HTR4: variants seen among roughly 807,000 people sequenced by gnomAD.
HTR4 encodes 5-hydroxytryptamine receptor 4.
A neutral mutation model predicts 36.8 loss-of-function variants in HTR4; 16 were observed. That is an observed-to-expected ratio of 0.43 (90% CI 0.29 to 0.66). The LOEUF (loss-of-function observed/expected upper bound fraction) is 0.66, where lower values mean the gene tolerates loss of function less well. Ranked by LOEUF, HTR4 falls within the 30% of genes least tolerant of loss-of-function variation. HTR4 has a pLI of 0.13. For synonymous variants in HTR4, 189 were observed against 185.1 expected (o/e 1.02, Z -0.17); for missense variants, 438 against 490.9 (o/e 0.89, Z 1.02).
intron 2 of HTR4, among the ~76,000 whole-genome samples, chr5:148,570,841 TTTTTGTTTTTG>T (rs942938771): frequency 9.9e-5 from 15 of 152,014 alleles, no homozygotes; most frequent in Non-Finnish European, 4.4e-5. Flanking sequence ...TGGGTTTTTG[TTTTTGTTTTTG>T]TTTTATTTTG....
At chr5:148,469,914 A>G (rs554821968) in intron 5 of HTR4, among the ~76,000 whole-genome samples, 11 of 152,358 alleles carry the variant, frequency 7.2e-5, no homozygotes, top group African/African-American at 2.4e-4. Context: ...CTGGCTCAGT[A>G]TCTAACTCTT....
rs969776081 is a variant in HTR4, at chr5:148,550,076, ACT to A, written c.152+59_152+60del. On this transcript the variant is annotated intron_variant, in intron 3 of 6. Coordinates refer to ENST00000377888, the MANE Select transcript of HTR4 (RefSeq NM_000870.7). ...ATTCTAATAGAAATGTTCACACCCAACTCTCTAGGGACAGCTCAGAACTCCCA... is the reference window on the plus strand; with the variant it reads ...ATTCTAATAGAAATGTTCACACCCAACTCTAGGGACAGCTCAGAACTCCCA... 1.5e-4 allele frequency: 230 copies of A among 1,558,838 alleles called. 2 individuals carry two copies. The highest frequency in any genetic ancestry group is 2.7e-4 in the Admixed American group (15 of 55,990).
intron 4 of HTR4, among the ~76,000 whole-genome samples, chr5:148,529,817 G>T (rs1758465256): frequency 6.6e-6 from 1 of 152,210 alleles, no homozygotes; most frequent in Non-Finnish European, 1.5e-5. Flanking sequence ...TGCTGATAAT[G>T]ATATACACAG....
intron 2 of HTR4, among the ~76,000 whole-genome samples, chr5:148,630,724 A>G (rs953997303): frequency 1.3e-5 from 2 of 152,152 alleles, no homozygotes; most frequent in Non-Finnish European, 2.9e-5. Context: ...AGACACATTT[A>G]TCATTTACTC....
intron 4 of HTR4, among the ~76,000 whole-genome samples, chr5:148,535,584 C>A (rs561267207): frequency 1.3e-5 from 2 of 152,248 alleles, no homozygotes; most frequent in Non-Finnish European, 1.5e-5. Flanking sequence ...AAGAATTTCT[C>A]AATGCATTCA....
At chr5:148,602,660 T>C (rs1254514926) in intron 2 of HTR4, among the ~76,000 whole-genome samples, 1 of 152,090 alleles carries the variant, frequency 6.6e-6, no homozygotes, top group African/African-American at 2.4e-5. Context: ...CAGATGTTAA[T>C]TAAATTAAAA....
intron 2 of HTR4, among the ~76,000 whole-genome samples, chr5:148,573,953 T>C (rs1760781949): frequency 6.6e-6 from 1 of 152,056 alleles, no homozygotes. Flanking sequence ...CTTTGCTAAG[T>C]GTACCAGATA....
chr5:148,469,770 A>C (rs1755518809), intron 5 of HTR4, among the ~76,000 whole-genome samples: 1 of 152,184 alleles, frequency 6.6e-6, no homozygotes, highest in Non-Finnish European at 1.5e-5. Context: ...CTAGGATGCA[A>C]AGTATATCAT....
At chr5:148,559,820 C>T (rs1197592068) in intron 2 of HTR4, among the ~76,000 whole-genome samples, 2 of 152,140 alleles carry the variant, frequency 1.3e-5, no homozygotes, top group Admixed American at 1.3e-4. Flanking sequence ...GCACCTCCTG[C>T]TTCAATGTGC....
chr5:148,491,728 T>C (rs903846272), intron 6 of HTR4, among the ~76,000 whole-genome samples: 1 of 152,260 alleles, frequency 6.6e-6, no homozygotes, highest in Non-Finnish European at 1.5e-5. Flanking sequence ...ATCTAAGACA[T>C]GCAGCTAGAT....
chr5:148,489,493 C>A (rs1302535792), intron 6 of HTR4, among the ~76,000 whole-genome samples: 1 of 152,066 alleles, frequency 6.6e-6, no homozygotes, highest in Admixed American at 6.6e-5. Context: ...AGCTGAGCTT[C>A]CTAAAGAAGG....
At chr5:148,543,362 T>C (rs1759215537) in intron 4 of HTR4, among the ~76,000 whole-genome samples, 1 of 152,130 alleles carries the variant, frequency 6.6e-6, no homozygotes, top group Admixed American at 6.6e-5. Context: ...CTAAATGACA[T>C]TGTTCAAATC....
intron 2 of HTR4, among the ~76,000 whole-genome samples, chr5:148,589,733 A>G (rs1761486332): frequency 6.6e-6 from 1 of 152,088 alleles, no homozygotes; most frequent in Non-Finnish European, 1.5e-5. Context: ...ACAAAAATAT[A>G]TAATATATAT....
chr5:148,565,013 G>A (rs1760374906), intron 2 of HTR4, among the ~76,000 whole-genome samples: 2 of 151,366 alleles, frequency 1.3e-5, no homozygotes, highest in East Asian at 1.9e-4. Context: ...GGGAGGTTGA[G>A]GCAGGAGAAT....
chr5:148,508,700 A>G (rs1757343465), intron 6 of HTR4, among the ~76,000 whole-genome samples: 1 of 152,056 alleles, frequency 6.6e-6, no homozygotes, highest in Non-Finnish European at 1.5e-5. Context: ...ATTATATCAC[A>G]TGGTATTACT....
chr5:148,605,516 T>C (rs767095756), intron 2 of HTR4, among the ~76,000 whole-genome samples: 64 of 151,900 alleles, frequency 4.2e-4, no homozygotes, highest in South Asian at 1.0e-3. Flanking sequence ...CCTCGGCCTC[T>C]GAAACTGCTG....
At chr5:148,555,156 T>C (rs1581470461) in intron 2 of HTR4, among the ~76,000 whole-genome samples, 1 of 152,116 alleles carries the variant, frequency 6.6e-6, no homozygotes, top group Non-Finnish European at 1.5e-5. Flanking sequence ...GGCCTGGCTG[T>C]TTTAGGTCGC....
At chr5:148,643,358 G>A (rs1753783823) in intron 1 of HTR4, among the ~76,000 whole-genome samples, 2 of 151,914 alleles carry the variant, frequency 1.3e-5, no homozygotes, top group South Asian at 2.1e-4. Flanking sequence ...AAAATAAAGG[G>A]GTAACATACA....
At chr5:148,465,791 G>T in intron 5 of HTR4, 1 of 1,571,540 alleles carries the variant, frequency 6.4e-7, no homozygotes, top group Non-Finnish European at 8.6e-7. Flanking sequence ...AGGATATTTT[G>T]TATAAAGAAA....
Sources: allele counts gnomAD v4.1 joint callset (sites outside exome capture counted in the v4.1 genomes callset), GRCh38; gene constraint gnomAD v4.1.1; transcripts MANE v1.5; gene names NCBI Gene and HGNC (gene_info 2026-07-23, HGNC 2026-07-21).